CELF1: variants seen among roughly 807,000 people sequenced by gnomAD.
CELF1 encodes CUGBP Elav-like family member 1.
Under a neutral mutation model 61.8 loss-of-function variants are expected in CELF1, and 10 were observed. That is an observed-to-expected ratio of 0.16 (90% confidence interval 0.10 to 0.27). The LOEUF (loss-of-function observed/expected upper bound fraction) is 0.27, where lower values mean the gene tolerates loss of function less well. Ranked by LOEUF, CELF1 falls within the 10% of genes least tolerant of loss-of-function variation. The probability of loss-of-function intolerance (pLI) is 1.00; values close to 1 mark genes in which losing one functional copy is unlikely to be tolerated. For synonymous variants in CELF1, 236 were observed against 225.1 expected (o/e 1.05, Z -0.43); for missense variants, 380 against 639.1 (o/e 0.59, Z 4.37).
At position 47,505,470 on chromosome 11, in the gene CELF1, A is replaced by G. The variant is rs1017532151; in HGVS notation, c.-153-4538T>C. Among the ~76,000 whole-genome samples, 4 of 150,524 alleles carry G rather than the reference A, an allele frequency of 2.7e-5. No homozygotes were observed. The East Asian group carries it at 7.8e-4, about 29-fold the overall frequency. On this transcript the variant is annotated intron_variant, in intron 1 of 14. Coordinates refer to ENST00000687097, the MANE Select transcript of CELF1 (RefSeq NM_001376376.1). ...ACGGTGAAATCCCCTCTCTACTAAA[A>G]AAAATACAAAAAATACAAAAAAATT... is the stretch of plus-strand genomic sequence containing the variant.
intron 10 of CELF1, among the ~76,000 whole-genome samples, chr11:47,478,038 G>A (rs1047045595): frequency 6.6e-6 from 1 of 152,050 alleles, no homozygotes; most frequent in East Asian, 1.9e-4. Context: ...CTGTGCTGTC[G>A]CTGCTGCAAA....
intron 11 of CELF1, 114 bp from the exon 12 acceptor site, chr11:47,477,073 T>G (rs1341016673): frequency 1.0e-6 from 1 of 973,564 alleles, no homozygotes; most frequent in African/African-American, 1.6e-5. Flanking sequence ...AGTTACTAAT[T>G]CTAACAACTG....
chr11:47,519,088 T>C (rs1310075033), intron 1 of CELF1, among the ~76,000 whole-genome samples: 4 of 152,186 alleles, frequency 2.6e-5, no homozygotes, highest in African/African-American at 4.8e-5. Flanking sequence ...AAAATGCAAA[T>C]TTTGTACCTC....
chr11:47,539,207 CAA>C (rs1408068696), intron 1 of CELF1, among the ~76,000 whole-genome samples: 1 of 151,994 alleles, frequency 6.6e-6, no homozygotes, highest in Non-Finnish European at 1.5e-5. Flanking sequence ...AAATTAAAAA[CAA>C]ATAATTATAA....
At chr11:47,493,940 A>G (rs2092502643) in intron 3 of CELF1, among the ~76,000 whole-genome samples, 1 of 152,230 alleles carries the variant, frequency 6.6e-6, no homozygotes, top group South Asian at 2.1e-4. Context: ...TAAAAAAGCC[A>G]TCTGGGTACA....
rs533810711 is a variant in CELF1, at chr11:47,485,500, C to T, written c.392-977G>A. Among the ~76,000 whole-genome samples the T allele has an allele frequency of 1.2e-3, 176 of 152,228 alleles. 4 individuals carry two copies. The South Asian group carries it at 0.035, about 31-fold the overall frequency. ...TTGTTTGCTCTTACTGGCAATACTA[C>T]TAAAGAAAGAAGAGGTTTTCACACT... On this transcript the variant is annotated intron_variant, in intron 6 of 14. Coordinates refer to ENST00000687097, the MANE Select transcript of CELF1 (RefSeq NM_001376376.1).
Position 47,500,562 on chromosome 11 carries a change from C to T in CELF1, c.-82+299G>A, listed in dbSNP as rs181124617. 1.0e-3 allele frequency among the ~76,000 whole-genome samples: 159 copies of T among 152,290 alleles called. 2 individuals are homozygous for T. The highest frequency in any genetic ancestry group is 3.4e-3 in the African/African-American group (143 of 41,564). On this transcript the variant is annotated intron_variant, in intron 2 of 14. Coordinates refer to ENST00000687097, the MANE Select transcript of CELF1 (RefSeq NM_001376376.1). ...GGGCCTACCAGGGACAACACTCAAA[C>T]ATGTAAGGGAAAAACCAAGAAATGA... is the stretch of plus-strand genomic sequence containing the variant.
intron 1 of CELF1, among the ~76,000 whole-genome samples, chr11:47,529,080 T>TC (rs896540562): frequency 6.7e-6 from 1 of 148,706 alleles, no homozygotes; most frequent in African/African-American, 2.4e-5. Flanking sequence ...TATTTTACTT[T>TC]TTTTTTTTTT....
chr11:47,516,815 C>A (rs2095580535), intron 1 of CELF1, among the ~76,000 whole-genome samples: 1 of 152,040 alleles, frequency 6.6e-6, no homozygotes, highest in Non-Finnish European at 1.5e-5. Context: ...GTTGGCCAGG[C>A]TGGTTTTGAA....
chr11:47,485,298 A>G (rs946637401), intron 6 of CELF1, among the ~76,000 whole-genome samples: 1 of 151,832 alleles, frequency 6.6e-6, no homozygotes, highest in Non-Finnish European at 1.5e-5. Context: ...TTCCCACCTC[A>G]GCTTCCCGAA....
At position 47,541,757 on chromosome 11, in the gene CELF1, CGAAAGAAAGAACGAAAGAAAGAACGAA is replaced by C. The variant is rs2096798888; in HGVS notation, c.-154+11208_-154+11234del. Among the ~76,000 whole-genome samples, 13 of 11,724 alleles carry C rather than the reference CGAAAGAAAGAACGAAAGAAAGAACGAA, an allele frequency of 1.1e-3. 2 individuals carry two copies. Among genetic ancestry groups the C allele is most frequent in the African/African-American group, 2.1e-3 (13 of 6,096 alleles). 7.7% of individuals were successfully genotyped at this position (11,724 alleles called of 152,430 possible). A position where few individuals can be genotyped will look rare whatever the true frequency, so the allele number is the denominator to read the frequency against. On this transcript the variant is annotated intron_variant, in intron 1 of 14. Transcript: ENST00000687097. ...AAGAAAGAACGAAAGAAAGAAAGAA[CGAAAGAAAGAACGAAAGAAAGAACGAA>C]AGAAAGAACGAAAGAAAGAAAGAAA...
chr11:47,558,578 T>TATATATATTTATATATAATATATAA (rs1565921581), intron 2 of CELF1, among the ~76,000 whole-genome samples: 99 of 110,724 alleles, frequency 8.9e-4, no homozygotes, highest in African/African-American at 3.5e-3. Context: ...TATATAAATA[T>TATATATATTTATATATAATATATAA]ATATATATAT....
At chr11:47,543,662 T>C (rs2096864521) in intron 1 of CELF1, among the ~76,000 whole-genome samples, 2 of 152,138 alleles carry the variant, frequency 1.3e-5, no homozygotes, top group African/African-American at 2.4e-5. Context: ...CAATCCCAAC[T>C]ACTCAGGAGG....
At chr11:47,523,633 G>T (rs998436250) in intron 1 of CELF1, 1 of 152,290 alleles carries the variant, frequency 6.6e-6, no homozygotes, top group African/African-American at 2.4e-5. Flanking sequence ...CTCAATCAAG[G>T]TGTTTCTCCA....
chr11:47,509,657 G>C (rs1156886973), intron 1 of CELF1, among the ~76,000 whole-genome samples: 2 of 152,130 alleles, frequency 1.3e-5, no homozygotes, highest in African/African-American at 2.4e-5. Context: ...TTGGGAGGCC[G>C]AGGCAGGTGG....
At chr11:47,512,970 T>C (rs534527996) in intron 1 of CELF1, among the ~76,000 whole-genome samples, 1 of 152,202 alleles carries the variant, frequency 6.6e-6, no homozygotes, top group South Asian at 2.1e-4. Context: ...ACAAGTGAGA[T>C]TTCCTGAAAA....
intron 1 of CELF1, among the ~76,000 whole-genome samples, chr11:47,543,421 A>G (rs1483880451): frequency 6.6e-6 from 1 of 152,188 alleles, no homozygotes; most frequent in African/African-American, 2.4e-5. Context: ...AACAGCCCAA[A>G]AAAGCCCCAA....
intron 12 of CELF1, 71 bp from the exon 13 acceptor site, chr11:47,475,592 G>A: frequency 6.6e-7 from 1 of 1,506,500 alleles, no homozygotes; most frequent in Non-Finnish European, 9.1e-7. Context: ...GTCTACTTGG[G>A]ACATCTAGAA....
intron 1 of CELF1, among the ~76,000 whole-genome samples, chr11:47,514,498 G>A (rs929214463): frequency 1.3e-5 from 2 of 152,008 alleles, no homozygotes; most frequent in African/African-American, 4.8e-5. Flanking sequence ...CGTCTCACCT[G>A]AGAGACACCC....
Sources: allele counts gnomAD v4.1 joint callset (sites outside exome capture counted in the v4.1 genomes callset), GRCh38; gene constraint gnomAD v4.1.1; transcripts MANE v1.5; gene names NCBI Gene and HGNC (gene_info 2026-07-23, HGNC 2026-07-21).